MYBPC3: variants seen among roughly 807,000 people sequenced by gnomAD.
The protein encoded by MYBPC3 is myosin-binding protein C, cardiac-type.
In MYBPC3, 108 loss-of-function variants were observed where a neutral mutation model predicts 159.3. The observed-to-expected ratio is 0.68, with a 90% CI of 0.58 to 0.80. MYBPC3 has a LOEUF of 0.80. Ranked by LOEUF, MYBPC3 falls within the 30% of genes least tolerant of loss-of-function variation. MYBPC3 has a pLI of 0.00. For missense variants in MYBPC3, 1,631 were observed against 1,762.1 expected (o/e 0.93, Z 1.33); for synonymous variants, 730 against 702.0 (o/e 1.04, Z -0.63).
At chr11:47,331,904 A>C (rs1003444493) in intron 33 of MYBPC3, 23 bp from the exon 34 acceptor site, 8 of 1,608,924 alleles carry the variant, frequency 5.0e-6, no homozygotes, top group African/African-American at 1.3e-5. Flanking sequence ...AGGCCATGTC[A>C]CTGTGTCCTC....
chr11:47,331,995 C>A (rs2142848899), intron 33 of MYBPC3, 77 bp downstream of exon 33: 1 of 1,594,088 alleles, frequency 6.3e-7, no homozygotes, highest in South Asian at 1.1e-5. Flanking sequence ...TGGCCGAGGA[C>A]AACGGAGCAA....
intron 22 of MYBPC3, 70 bp downstream of exon 22, chr11:47,339,251 AAGG>A: frequency 1.3e-6 from 2 of 1,543,180 alleles, no homozygotes; most frequent in Non-Finnish European, 1.8e-6. Context: ...AGACCTCGCC[AAGG>A]GCTCGGCACC....
chr11:47,346,746 C>G lies in MYBPC3; in HGVS notation c.909-102G>C. 1 of 1,297,992 alleles carries G rather than the reference C, an allele frequency of 7.7e-7. No homozygotes were observed. The highest frequency in any genetic ancestry group is 1.1e-6 in the Non-Finnish European group (1 of 949,120). The allele number at this position is 1,297,992 out of a possible 1,614,324, so 80.4% of individuals were successfully genotyped here. On this transcript the variant is annotated intron_variant, in intron 10 of 34. Coordinates refer to ENST00000545968, the MANE Select transcript of MYBPC3 (RefSeq NM_000256.3). The surrounding 1 kb of genome is among the most constrained non-coding windows in gnomAD (Gnocchi z 5.3). ...CCCCACCCATGGGCCTTTACTTCCT[C>G]CCTATTTTCCGCACTTGCACTCCCT...
rs1448112841 is a variant in MYBPC3 at position 47,339,391 on chromosome 11, G to A, written c.2081C>T (p.Pro694Leu). ...TGGGGCATCTGGGGCTGGCCTGGCTGGGGCCTTATTCCCCTGGGAACAGGG... is the reference window on the plus strand; with the variant it reads ...TGGGGCATCTGGGGCTGGCCTGGCTAGGGCCTTATTCCCCTGGGAACAGGG... ...QKAITQGNKAPARPAPDAPED... is the reference protein window; with the variant it reads ...QKAITQGNKALARPAPDAPED... The change falls in exon 22 of 35, where the codon CCA becomes CTA. Residue 694 changes from proline to leucine, a missense_variant. Physicochemically the swap from Pro to Leu is moderately conservative, Grantham distance 98. Transcript: ENST00000545968. 4 of 1,613,906 alleles carry A rather than the reference G, an allele frequency of 2.5e-6. No homozygotes were observed. The African/African-American group carries it at 4.0e-5, about 16-fold the overall frequency.
At chr11:47,343,428 C>T in intron 13 of MYBPC3, 64 bp downstream of exon 13, 1 of 1,523,554 alleles carries the variant, frequency 6.6e-7, no homozygotes, top group Non-Finnish European at 8.8e-7. Flanking sequence ...TGGAGAGGGG[C>T]AGGAGGCAAG....
Position 47,335,318 on chromosome 11 carries a change from TA to T in MYBPC3, c.2738-110del, listed in dbSNP as rs1027401431. ...TCTCCAGGATTTAAATATGTTTTTT[TA>T]AATTTTTATTTGTTTATTTATTTTT... On this transcript the variant is annotated intron_variant, in intron 26 of 34. Coordinates refer to ENST00000545968, the MANE Select transcript of MYBPC3 (RefSeq NM_000256.3). 1.4e-5 allele frequency: 13 copies of T among 939,916 alleles called. No homozygotes were observed. The South Asian group carries it at 2.4e-4, about 18-fold the overall frequency. 58.2% of individuals were successfully genotyped at this position (939,916 alleles called of 1,614,324 possible). A position where few individuals can be genotyped will look rare whatever the true frequency, so the allele number is the denominator to read the frequency against.
Position 47,342,168 on chromosome 11 carries a change from G to A in MYBPC3, c.1625-12C>T, listed in dbSNP as rs786204342. On this transcript the variant is annotated splice_polypyrimidine_tract_variant and intron_variant, in intron 17 of 34. Coordinates refer to ENST00000545968, the MANE Select transcript of MYBPC3 (RefSeq NM_000256.3). ...CTCCAGCTTCTTTTCTGCAGGGCAGGGCAGAGCCATTGAGCTCGGGAGGGT... is the reference window on the plus strand; with the variant it reads ...CTCCAGCTTCTTTTCTGCAGGGCAGAGCAGAGCCATTGAGCTCGGGAGGGT... 1.2e-6 allele frequency: 2 copies of A among 1,612,986 alleles called. No homozygotes were observed. Among genetic ancestry groups the A allele is most frequent in the Non-Finnish European group, 1.7e-6 (2 of 1,179,092 alleles).
At chr11:47,335,310 T>C (rs995017491) in intron 26 of MYBPC3, 101 bp from the exon 27 acceptor site, 1 of 986,486 alleles carries the variant, frequency 1.0e-6, no homozygotes, top group Non-Finnish European at 1.4e-6. Context: ...GATTTAAATA[T>C]GTTTTTTTAA....
In MYBPC3 at chr11:47,333,624, G is replaced by A. The variant is rs374626656; in HGVS notation, c.3123C>T (p.Gly1041=). 2.6e-5 allele frequency: 41 copies of A among 1,606,052 alleles called. No individual in the cohort carries two copies. Among genetic ancestry groups the A allele is most frequent in the Admixed American group, 5.0e-5 (3 of 59,998 alleles). Residue 1041 remains glycine (G), a synonymous_variant, in exon 29 of 35, where the codon GGC becomes GGT. Transcript: ENST00000545968. ...CAATGCGCACCGTCACCTGGTAAGTGCCTGAATGCACGCGGCGAGCGGCCC... is the reference window on the plus strand; with the variant it reads ...CAATGCGCACCGTCACCTGGTAAGTACCTGAATGCACGCGGCGAGCGGCCC... ...FIRAARRVHS[G]TYQVTVRIEN... is the part of the protein sequence containing the mutation.
Position 47,338,764 on chromosome 11 carries a change from G to T in MYBPC3, c.2149-85C>A. ...CCGCCAACAGCCAGATGTCCCGGGG[G>T]TCCATGGGGGGAACACAGCCTGTGG... On this transcript the variant is annotated intron_variant, in intron 22 of 34. Coordinates refer to ENST00000545968, the MANE Select transcript of MYBPC3 (RefSeq NM_000256.3). This position sits in a 1 kb window ranked among gnomAD's most constrained non-coding sequence, Gnocchi z 4.7. The T allele has an allele frequency of 1.4e-6, 2 of 1,433,276 alleles. No homozygotes were observed. Among genetic ancestry groups the T allele is most frequent in the Non-Finnish European group, 1.9e-6 (2 of 1,075,328 alleles). The allele number at this position is 1,433,276 out of a possible 1,614,324, so 88.8% of individuals were successfully genotyped here. A position where few individuals can be genotyped will look rare whatever the true frequency, so the allele number is the denominator to read the frequency against.
Position 47,351,158 on chromosome 11 carries a change from G to C in MYBPC3, c.292+81C>G. 1.4e-6 allele frequency: 2 copies of C among 1,425,300 alleles called. No homozygotes were observed. Among genetic ancestry groups the C allele is most frequent in the Non-Finnish European group, 1.9e-6 (2 of 1,080,770 alleles). 88.3% of individuals were successfully genotyped at this position (1,425,300 alleles called of 1,614,324 possible). A position where few individuals can be genotyped will look rare whatever the true frequency, so the allele number is the denominator to read the frequency against. ...GCAAGAAAGTGTGAAAGCACCTCCT[G>C]TTCCCTGGATGGATGGAGAGTCGCT... On this transcript the variant is annotated intron_variant, in intron 2 of 34. Transcript: ENST00000545968. The surrounding 1 kb of genome is among the most constrained non-coding windows in gnomAD (Gnocchi z 4.2).
rs1247917096 is a variant in MYBPC3 at position 47,346,591 on chromosome 11, G to C, written c.926+36C>G. 7.7e-6 allele frequency: 12 copies of C among 1,559,292 alleles called. No individual in the cohort carries two copies. Among genetic ancestry groups the C allele is most frequent in the Non-Finnish European group, 1.0e-5 (12 of 1,150,606 alleles). ...CTGGAGGGGCTCCTGGCAGAATTAG[G>C]GGTGATGAGGGTGCTGTGCTATGTT... On this transcript the variant is annotated intron_variant, in intron 11 of 34. Transcript: ENST00000545968. This position sits in a 1 kb window ranked among gnomAD's most constrained non-coding sequence, Gnocchi z 5.3.
rs370962887 is a variant in MYBPC3 at position 47,349,870 on chromosome 11, C to T, written c.558G>A (p.Pro186=). ...ARVAGASLLK[P]PVVKWFKGKW... is the part of the protein sequence containing the mutation. ...TGCCCTTGAACCACTTGACCACAGGCGGCTTCAGGAGGCTGGCGCCGGCCA... is the reference window on the plus strand; with the variant it reads ...TGCCCTTGAACCACTTGACCACAGGTGGCTTCAGGAGGCTGGCGCCGGCCA... Residue 186 remains proline (P), a synonymous_variant, in exon 5 of 35, where the codon CCG becomes CCA. Coordinates refer to ENST00000545968, the MANE Select transcript of MYBPC3 (RefSeq NM_000256.3). 1.9e-5 allele frequency: 31 copies of T among 1,612,296 alleles called. No individual in the cohort carries two copies. The highest frequency in any genetic ancestry group is 1.8e-4 in the East Asian group (8 of 44,862).
In MYBPC3 at chr11:47,332,587, A is replaced by G. The variant is rs1032233055; in HGVS notation, c.3606T>C (p.Cys1202=). 1.2e-6 allele frequency: 2 copies of G among 1,613,524 alleles called. No homozygotes were observed. Among genetic ancestry groups the G allele is most frequent in the Non-Finnish European group, 1.7e-6 (2 of 1,179,602 alleles). ...CTACCTTGGGGCTACCCCGGACAGCACAGCAGAGCATAGCAGTGTAGCCCG... is the reference window on the plus strand; with the variant it reads ...CTACCTTGGGGCTACCCCGGACAGCGCAGCAGAGCATAGCAGTGTAGCCCG... ...VIAGYTAMLC[C]AVRGSPKPKI... The change falls in exon 32 of 35, where the codon TGT becomes TGC. Residue 1202 remains cysteine (C), a synonymous_variant. Coordinates refer to ENST00000545968, the MANE Select transcript of MYBPC3 (RefSeq NM_000256.3). The surrounding 1 kb of genome is among the most constrained non-coding windows in gnomAD (Gnocchi z 4.2).
chr11:47,333,401 G>T lies in MYBPC3; in HGVS notation c.3191-68C>A, dbSNP rs2095879259. 3.5e-5 allele frequency: 53 copies of T among 1,498,120 alleles called. 2 individuals carry two copies. In the South Asian group the frequency reaches 6.5e-4, roughly 18 times the overall value. The allele number at this position is 1,498,120 out of a possible 1,614,324, so 92.8% of individuals were successfully genotyped here. A position where few individuals can be genotyped will look rare whatever the true frequency, so the allele number is the denominator to read the frequency against. ...GTGAGCAGGGGGTCACTGGCTCCAGGGACCACCCCACCCCTGCCAACCAGG... is the reference window on the plus strand; with the variant it reads ...GTGAGCAGGGGGTCACTGGCTCCAGTGACCACCCCACCCCTGCCAACCAGG... On this transcript the variant is annotated intron_variant, in intron 29 of 34. Coordinates refer to ENST00000545968, the MANE Select transcript of MYBPC3 (RefSeq NM_000256.3).
At chr11:47,335,589 A>C in intron 26 of MYBPC3, 1 of 324,476 alleles carries the variant, frequency 3.1e-6, no homozygotes, top group Admixed American at 4.8e-5. Flanking sequence ...GGCCTCCCAA[A>C]GTGCTGGGAT....
Position 47,332,210 on chromosome 11 carries a change from G to A in MYBPC3, c.3676C>T (p.Arg1226Cys), listed in dbSNP as rs397516033. The A allele has an allele frequency of 2.2e-5, 35 of 1,613,716 alleles. No individual in the cohort carries two copies. Among genetic ancestry groups the A allele is most frequent in the South Asian group, 1.2e-4 (11 of 91,088 alleles). Residue 1226 changes from arginine to cysteine, a missense_variant, in exon 33 of 35, where the codon CGC becomes TGC. Physicochemically the swap from Arg to Cys is radical, Grantham distance 180. Transcript: ENST00000545968. This position sits in a 1 kb window ranked among gnomAD's most constrained non-coding sequence, Gnocchi z 4.2. The stretch of plus-strand genomic sequence containing the variant: ...CCCTGCTTGCTGAACATGCGGAAGC[G>A]GGCGTCTTCTCCCAGGTCCAGGCCA... The part of the protein sequence containing the change: ...KNGLDLGEDA[R>C]FRMFSKQGVL...
chr11:47,347,631 A>G lies in MYBPC3; in HGVS notation c.851+20T>C, dbSNP rs1038179886. 2 of 1,572,260 alleles carry G rather than the reference A, an allele frequency of 1.3e-6. No individual in the cohort carries two copies. The highest frequency in any genetic ancestry group is 2.3e-5 in the East Asian group (1 of 42,852). On this transcript the variant is annotated intron_variant, in intron 8 of 34. Coordinates refer to ENST00000545968, the MANE Select transcript of MYBPC3 (RefSeq NM_000256.3). The stretch of plus-strand genomic sequence containing the variant: ...CTGGGGGTCTGCGGATGGTGCAGGT[A>G]GGGCCTGGGGCAGGGGTACCTGATC...
chr11:47,335,973 C>G lies in MYBPC3; in HGVS notation c.2641G>C (p.Val881Leu). 6.4e-7 allele frequency: 1 copy of G among 1,552,574 alleles called. No individual in the cohort carries two copies. The highest frequency in any genetic ancestry group is 2.4e-5 in the East Asian group (1 of 42,050). ...SEPTHLAVED[V>L]SDTTVSLKWR... ...TTGAGGGAGACCGTGGTGTCAGAGA[C>G]GTCCTCTACTGCCAGGTGGGTGGGT... is the stretch of plus-strand genomic sequence containing the variant. The change falls in exon 26 of 35, where the codon GTC becomes CTC. Residue 881 changes from valine (V) to leucine (L), a missense_variant. Transcript: ENST00000545968.
Sources: allele counts gnomAD v4.1 joint callset, GRCh38; gene constraint gnomAD v4.1.1; non-coding constraint Gnocchi (gnomAD v3.1); transcripts MANE v1.5; gene names NCBI Gene and HGNC (gene_info 2026-07-23, HGNC 2026-07-21).